The following LRCH1 variants were observed in gnomAD, a reference collection of about 807,000 sequenced individuals.
LRCH1 encodes leucine-rich repeat and calponin homology domain-containing protein 1.
Under a neutral mutation model 94.9 loss-of-function variants are expected in LRCH1, and 23 were observed. That is an observed-to-expected ratio of 0.24 (90% CI 0.17 to 0.34). LRCH1 has a LOEUF of 0.34. Ranked by LOEUF, LRCH1 falls within the 10% of genes least tolerant of loss-of-function variation. LRCH1 has a pLI of 1.00. For synonymous variants in LRCH1, 364 were observed against 354.9 expected (o/e 1.03, Z -0.29); for missense variants, 790 against 945.9 (o/e 0.84, Z 2.16).
At chr13:46,636,630 C>T (rs1759906059) in intron 1 of LRCH1, among the ~76,000 whole-genome samples, 1 of 152,176 alleles carries the variant, frequency 6.6e-6, no homozygotes, top group South Asian at 2.1e-4. Flanking sequence ...ATTCCCCCTC[C>T]ACCACTTTTC....
At position 46,585,566 on chromosome 13, in the gene LRCH1, A is replaced by AC. The variant is rs1439055523; in HGVS notation, c.307+31863_307+31864insC. 3.2e-3 allele frequency among the ~76,000 whole-genome samples: 478 copies of AC among 151,634 alleles called. 9 individuals are homozygous for AC. The highest frequency in any genetic ancestry group is 3.1e-3 in the Non-Finnish European group (209 of 67,928). Reference sequence around the variant, plus strand: ...AGACTGCATCTCAAAAAAAAAAAAAAAAAAACAAAAAAACGCATTTCTATA... The same window carrying AC: ...AGACTGCATCTCAAAAAAAAAAAAAACAAAAACAAAAAAACGCATTTCTATA... On this transcript the variant is annotated intron_variant, in intron 1 of 19. Transcript: ENST00000389797.
intron 11 of LRCH1, among the ~76,000 whole-genome samples, chr13:46,702,506 AAAT>A (rs1871533290): frequency 6.6e-6 from 1 of 152,182 alleles, no homozygotes; most frequent in South Asian, 2.1e-4. Flanking sequence ...TGTCTCAAAA[AAAT>A]AATAATAAAA....
rs766577259 is a variant in LRCH1, at chr13:46,669,169, T to C, written c.579+13T>C. The C allele has an allele frequency of 5.0e-6, 8 of 1,612,584 alleles. No homozygotes were observed. In the Admixed American group the frequency reaches 8.3e-5, roughly 17 times the overall value. ...GTTAATGGAGCTGGTATGTTACCGA[T>C]TTTTAAGATGCTCTTTTTTGTTGGT... On this transcript the variant is annotated intron_variant, in intron 3 of 19. Transcript: ENST00000389797.
chr13:46,745,392 C>G (rs771218730), downstream of LRCH1, among the ~76,000 whole-genome samples: 3 of 151,904 alleles, frequency 2.0e-5, no homozygotes, highest in Admixed American at 1.3e-4. Flanking sequence ...GGAAAAGAGA[C>G]CTGACCCTGA....
chr13:46,645,955 AC>A (rs11313499), intron 1 of LRCH1, among the ~76,000 whole-genome samples: 89,970 of 151,896 alleles, frequency 0.59, 26,644 homozygotes, highest in South Asian at 0.68. Context: ...TGTAAACTGG[AC>A]CCTCAGTGGA....
chr13:46,665,262 T>C (rs932371759), intron 2 of LRCH1, among the ~76,000 whole-genome samples: 23 of 152,062 alleles, frequency 1.5e-4, no homozygotes, highest in African/African-American at 5.1e-4. Context: ...ATAAATAATA[T>C]CAGATACTAA....
At chr13:46,748,594 A>G (rs1465430385), downstream of LRCH1, among the ~76,000 whole-genome samples, 4 of 152,190 alleles carry the variant, frequency 2.6e-5, no homozygotes. Context: ...ATCCCTCACC[A>G]TGCCGCAAAA....
At position 46,723,206 on chromosome 13, in the gene LRCH1, C is replaced by A; in HGVS notation, c.1760-15C>A. 2 of 1,499,190 alleles carry A rather than the reference C, an allele frequency of 1.3e-6. No homozygotes were observed. The highest frequency in any genetic ancestry group is 1.4e-5 in the African/African-American group (1 of 71,092). The allele number at this position is 1,499,190 out of a possible 1,614,324, so 92.9% of individuals were successfully genotyped here. On this transcript the variant is annotated splice_polypyrimidine_tract_variant and intron_variant, in intron 16 of 19. Coordinates refer to ENST00000389797, the MANE Select transcript of LRCH1 (RefSeq NM_001164211.2). The stretch of plus-strand genomic sequence containing the variant: ...AGGCACTATATAAAGGCTTTTTTTC[C>A]CCTTTGTATTGTAGTGTTTCTAAGA...
At chr13:46,560,140 C>CATATATATATATATGTATATATATATAT (rs58876595) in intron 1 of LRCH1, among the ~76,000 whole-genome samples, 1 of 133,800 alleles carries the variant, frequency 7.5e-6, no homozygotes, top group Admixed American at 8.0e-5. Context: ...TCTGTTCCCC[C>CATATATATATATATGTATATATATATAT]ATATATATAG....
At chr13:46,617,207 A>C (rs1408169725) in intron 1 of LRCH1, among the ~76,000 whole-genome samples, 5 of 152,154 alleles carry the variant, frequency 3.3e-5, no homozygotes, top group African/African-American at 1.2e-4. Flanking sequence ...TTATACTTGG[A>C]TGCTTTGGAT....
At chr13:46,678,978 T>A (rs1029661060) in intron 3 of LRCH1, among the ~76,000 whole-genome samples, 2 of 152,340 alleles carry the variant, frequency 1.3e-5, no homozygotes, top group South Asian at 2.1e-4. Flanking sequence ...GAAAGATTTT[T>A]AAAAAATTAT....
intron 6 of LRCH1, 52 bp downstream of exon 6, chr13:46,688,031 G>A (rs781118361): frequency 6.5e-7 from 1 of 1,541,328 alleles, no homozygotes; most frequent in East Asian, 2.3e-5. Flanking sequence ...CTAGGCCAAG[G>A]CCCTCCAGGT....
chr13:46,744,733 G>A lies in LRCH1; in HGVS notation c.*2885G>A. 1 of 985,384 alleles carries A rather than the reference G, an allele frequency of 1.0e-6. No homozygotes were observed. The highest frequency in any genetic ancestry group is 1.2e-6 in the Non-Finnish European group (1 of 829,896). 61.0% of individuals were successfully genotyped at this position (985,384 alleles called of 1,614,324 possible). On this transcript the variant is annotated 3_prime_UTR_variant, in exon 20 of 20. Transcript: ENST00000389797. ...ACAAAAGGGTGTTTTGCCTTTGCCT[G>A]TGGGGAAAAAGTAGGGATGATATTT...
intron 8 of LRCH1, 146 bp downstream of exon 8, chr13:46,692,787 T>G: frequency 1.6e-6 from 1 of 616,772 alleles, no homozygotes. Context: ...GAAGTTGAGC[T>G]GATTTAAAAT....
intron 1 of LRCH1, among the ~76,000 whole-genome samples, chr13:46,608,425 G>A (rs920424382): frequency 1.3e-5 from 2 of 152,144 alleles, no homozygotes; most frequent in Non-Finnish European, 1.5e-5. Context: ...CTCAGTGTGA[G>A]GAAAGGACCA....
intron 2 of LRCH1, among the ~76,000 whole-genome samples, chr13:46,667,619 A>G (rs1322339037): frequency 4.6e-5 from 7 of 152,118 alleles, no homozygotes; most frequent in Non-Finnish European, 8.8e-5. Flanking sequence ...TGGCGCATGT[A>G]TACATATATA....
chr13:46,705,178 A>G (rs1184564380), intron 12 of LRCH1, 21 bp downstream of exon 12: 2 of 1,595,726 alleles, frequency 1.3e-6, no homozygotes, highest in South Asian at 2.3e-5. Flanking sequence ...CTTTTATAAC[A>G]AATTATGTTT....
intron 3 of LRCH1, among the ~76,000 whole-genome samples, chr13:46,674,366 A>G (rs943198754): frequency 6.6e-6 from 1 of 152,178 alleles, no homozygotes; most frequent in African/African-American, 2.4e-5. Flanking sequence ...TCCCCCTCCC[A>G]TGAGGAAGCC....
At chr13:46,616,291 CAG>C (rs1237829960) in intron 1 of LRCH1, among the ~76,000 whole-genome samples, 1 of 152,142 alleles carries the variant, frequency 6.6e-6, no homozygotes, top group African/African-American at 2.4e-5. Flanking sequence ...AAACCAGAAA[CAG>C]AGCCCTGTAA....
Sources: allele counts gnomAD v4.1 joint callset (sites outside exome capture counted in the v4.1 genomes callset), GRCh38; gene constraint gnomAD v4.1.1; transcripts MANE v1.5; gene names NCBI Gene and HGNC (gene_info 2026-07-23, HGNC 2026-07-21).